The following NAV3 variants were observed in gnomAD, a reference collection of about 807,000 sequenced individuals.
NAV3 encodes pore membrane and/or filament interacting like protein 1.
Under a neutral mutation model 244.7 loss-of-function variants are expected in NAV3, and 87 were observed. The ratio of observed to expected loss-of-function variants is 0.36; its 90% confidence interval spans 0.30 to 0.42. The LOEUF (loss-of-function observed/expected upper bound fraction) is 0.42. Ranked by LOEUF, NAV3 falls within the 20% of genes least tolerant of loss-of-function variation. The probability of loss-of-function intolerance (pLI) is 1.00; values close to 1 mark genes in which losing one functional copy is unlikely to be tolerated. For synonymous variants in NAV3, 1,126 were observed against 1,042.2 expected (o/e 1.08, Z -1.55); for missense variants, 2,663 against 2,893.3 (o/e 0.92, Z 1.83).
At chr12:77,966,782 C>T (rs917994791) in intron 4 of NAV3, among the ~76,000 whole-genome samples, 11 of 151,816 alleles carry the variant, frequency 7.2e-5, no homozygotes, top group African/African-American at 2.2e-4. Flanking sequence ...GAACTAACAG[C>T]GTTAATCACT....
intron 2 of NAV3, among the ~76,000 whole-genome samples, chr12:77,584,377 A>G (rs955778817): frequency 1.3e-5 from 2 of 152,240 alleles, no homozygotes; most frequent in Non-Finnish European, 2.9e-5. Context: ...AAAAAAGATA[A>G]GCTAAACACT....
upstream of NAV3, among the ~76,000 whole-genome samples, chr12:77,827,740 C>T (rs1333007953): frequency 1.3e-5 from 2 of 152,154 alleles, no homozygotes; most frequent in East Asian, 3.9e-4. Flanking sequence ...ACTATCTTAA[C>T]AACATCATAC....
chr12:77,702,417 T>C (rs541864325), intron 2 of NAV3, among the ~76,000 whole-genome samples: 1 of 152,068 alleles, frequency 6.6e-6, no homozygotes, highest in African/African-American at 2.4e-5. Flanking sequence ...TTCTGCCGTT[T>C]TATTTGGAGT....
At chr12:78,039,293 C>G (rs1339090576) in intron 9 of NAV3, among the ~76,000 whole-genome samples, 1 of 152,142 alleles carries the variant, frequency 6.6e-6, no homozygotes, top group Non-Finnish European at 1.5e-5. Flanking sequence ...AAAATGGCCT[C>G]TTCCAAGTTA....
chr12:77,602,316 G>A (rs1232220339), intron 2 of NAV3, among the ~76,000 whole-genome samples: 1 of 151,966 alleles, frequency 6.6e-6, no homozygotes, highest in Admixed American at 6.6e-5. Flanking sequence ...ACTGTCTGAT[G>A]ACCACACTAA....
At chr12:78,197,186 A>T in intron 34 of NAV3, 61 bp from the exon 35 acceptor site, 1 of 1,297,126 alleles carries the variant, frequency 7.7e-7, no homozygotes, top group Non-Finnish European at 1.0e-6. Flanking sequence ...CTAAAATATT[A>T]ACTGCTTCCT....
chr12:77,613,246 T>C (rs939491233), intron 2 of NAV3, among the ~76,000 whole-genome samples: 1 of 152,206 alleles, frequency 6.6e-6, no homozygotes, highest in Admixed American at 6.6e-5. Flanking sequence ...TGAGTGCATT[T>C]TATGCACATA....
At chr12:77,883,811 T>C (rs945668297) in intron 1 of NAV3, among the ~76,000 whole-genome samples, 13 of 152,238 alleles carry the variant, frequency 8.5e-5, no homozygotes, top group African/African-American at 3.1e-4. Flanking sequence ...GTTTTTCTGT[T>C]TTTCTTTTAT....
At chr12:78,066,108 G>T (rs1002605900) in intron 12 of NAV3, among the ~76,000 whole-genome samples, 4 of 152,028 alleles carry the variant, frequency 2.6e-5, no homozygotes, top group Non-Finnish European at 5.9e-5. Flanking sequence ...ACTAGCAAGT[G>T]CCCCTTAGCC....
At chr12:77,627,998 C>A (rs373369691) in intron 2 of NAV3, among the ~76,000 whole-genome samples, 1 of 152,126 alleles carries the variant, frequency 6.6e-6, no homozygotes, top group Non-Finnish European at 1.5e-5. Context: ...GGAATAATGG[C>A]TACCAAAGGC....
chr12:77,837,940 G>T (rs1048642677), intron 1 of NAV3, among the ~76,000 whole-genome samples: 4 of 152,152 alleles, frequency 2.6e-5, no homozygotes, highest in African/African-American at 9.7e-5. Context: ...ACTGGCTCTG[G>T]CCTCCAGCTG....
chr12:77,768,609 C>T (rs1869911766), intron 2 of NAV3, among the ~76,000 whole-genome samples: 1 of 152,230 alleles, frequency 6.6e-6, no homozygotes, highest in Non-Finnish European at 1.5e-5. Context: ...AGAACAGGTG[C>T]TGGGAGTGGG....
At chr12:78,005,078 C>G (rs1593253631) in intron 7 of NAV3, among the ~76,000 whole-genome samples, 1 of 152,126 alleles carries the variant, frequency 6.6e-6, no homozygotes, top group East Asian at 1.9e-4. Flanking sequence ...AAAAAGCATC[C>G]TGACTGGTTC....
rs1243397006 is a variant in NAV3 at position 78,006,658 on chromosome 12, G to T, written c.1120G>T (p.Val374Phe). 1.2e-6 allele frequency: 2 copies of T among 1,614,134 alleles called. No homozygotes were observed. The highest frequency in any genetic ancestry group is 1.7e-6 in the Non-Finnish European group (2 of 1,180,032). ...ACTGAAGCCACCTGTCTCAGAAGGG[G>T]TCAAAACTGCTCCCTCAGGACAGAA... The part of the protein sequence containing the change: ...DRLKPPVSEG[V>F]KTAPSGQKSM... Residue 374 changes from valine to phenylalanine, a missense_variant, in exon 8 of 40, where the codon GTC becomes TTC. Physicochemically the swap from Val to Phe is conservative, Grantham distance 50 (BLOSUM62 -1). This residue lies in a region of NAV3 where 1,521 missense variants were observed against 1,497.0 expected (regional missense o/e 1.02). Coordinates refer to ENST00000397909, the MANE Select transcript of NAV3 (RefSeq NM_001024383.2).
intron 11 of NAV3, among the ~76,000 whole-genome samples, chr12:78,055,433 ATAATATGT>A (rs1439434004): frequency 2.0e-5 from 3 of 152,226 alleles, no homozygotes; most frequent in Non-Finnish European, 4.4e-5. Context: ...GAATACATGC[ATAATATGT>A]TAACTATATT....
chr12:78,084,062 G>A (rs965817109), intron 12 of NAV3, among the ~76,000 whole-genome samples: 2 of 152,192 alleles, frequency 1.3e-5, no homozygotes, highest in African/African-American at 4.8e-5. Flanking sequence ...CATGCAGACT[G>A]ATTTCATAGT....
chr12:78,090,231 A>G (rs1353533782), intron 12 of NAV3, among the ~76,000 whole-genome samples: 1 of 147,160 alleles, frequency 6.8e-6, no homozygotes, highest in South Asian at 2.1e-4. Context: ...TATAAAGTTG[A>G]ATTATATATA....
chr12:77,842,060 T>G (rs1875755985), intron 1 of NAV3, among the ~76,000 whole-genome samples: 1 of 152,206 alleles, frequency 6.6e-6, no homozygotes, highest in Non-Finnish European at 1.5e-5. Context: ...TGTTCAAGAT[T>G]AAGCAAAAAT....
At chr12:77,679,748 G>A (rs906277748) in intron 2 of NAV3, among the ~76,000 whole-genome samples, 18 of 152,222 alleles carry the variant, frequency 1.2e-4, no homozygotes, top group African/African-American at 1.9e-4. Context: ...AAAAGACAGC[G>A]TCAGAAAAGA....
Sources: gnomAD v4.1 joint callset for allele counts (sites outside exome capture counted in the v4.1 genomes callset) on GRCh38, gnomAD v4.1.1 for gene constraint, gnomAD v4.1.1 regional missense constraint, MANE v1.5 for transcripts, NCBI Gene and HGNC (gene_info 2026-07-23, HGNC 2026-07-21) for gene names.